LHFPL3: variants seen among roughly 807,000 people sequenced by gnomAD.
The protein encoded by LHFPL3 is LHFPL tetraspan subfamily member 3.
LHFPL3 carries 5 observed loss-of-function variants against 19.3 expected under a neutral mutation model. That is an observed-to-expected ratio of 0.26 (90% CI 0.14 to 0.54). LHFPL3 has a LOEUF of 0.54. LHFPL3 is among the 20% of genes least tolerant of loss of function. LHFPL3 has a pLI of 0.94. For synonymous variants in LHFPL3, 133 were observed against 126.2 expected (o/e 1.05, Z -0.36); for missense variants, 249 against 307.4 (o/e 0.81, Z 1.42).
chr7:104,683,810 TGTACA>T (rs1792756854), intron 1 of LHFPL3, among the ~76,000 whole-genome samples: 1 of 152,244 alleles, frequency 6.6e-6, no homozygotes, highest in African/African-American at 2.4e-5. Flanking sequence ...AATTGACATT[TGTACA>T]ATATTTAATC....
chr7:104,470,029 A>T (rs1163240547), intron 1 of LHFPL3: 1 of 456,018 alleles, frequency 2.2e-6, no homozygotes, highest in Admixed American at 2.3e-5. Context: ...ATGCTGTGTG[A>T]ACTTCGGGTG....
At chr7:104,809,633 A>G (rs1584546459) in intron 2 of LHFPL3, among the ~76,000 whole-genome samples, 1 of 152,344 alleles carries the variant, frequency 6.6e-6, no homozygotes, top group East Asian at 1.9e-4. Context: ...TCTATAAATA[A>G]TTTTGTATCA....
chr7:104,777,212 T>C (rs1794649494), intron 2 of LHFPL3, among the ~76,000 whole-genome samples: 1 of 152,174 alleles, frequency 6.6e-6, no homozygotes, highest in South Asian at 2.1e-4. Flanking sequence ...AATTTGGAAA[T>C]ATTATGATCC....
intron 2 of LHFPL3, among the ~76,000 whole-genome samples, chr7:104,749,782 T>G: frequency 1.3e-5 from 2 of 152,262 alleles, no homozygotes; most frequent in Non-Finnish European, 2.9e-5. Flanking sequence ...CCAGTTTTTG[T>G]TTTGGTAGTG....
intron 1 of LHFPL3, among the ~76,000 whole-genome samples, chr7:104,670,775 G>GTTTTT (rs892992665): frequency 6.6e-6 from 1 of 151,780 alleles, no homozygotes; most frequent in South Asian, 2.1e-4. Context: ...ACCTTGATGG[G>GTTTTT]TTTTTTTCCC....
chr7:104,758,172 A>G (rs1052526300), intron 2 of LHFPL3, among the ~76,000 whole-genome samples: 8 of 152,160 alleles, frequency 5.3e-5, no homozygotes, highest in South Asian at 2.1e-4. Flanking sequence ...CATGGGAACA[A>G]TGGACACTGG....
At chr7:104,688,326 G>A (rs1368231484) in intron 1 of LHFPL3, among the ~76,000 whole-genome samples, 1 of 152,146 alleles carries the variant, frequency 6.6e-6, no homozygotes, top group Non-Finnish European at 1.5e-5. Context: ...AACTCCTGTA[G>A]ACAAAGGGCT....
chr7:104,339,556 T>A (rs1374721680), intron 1 of LHFPL3, among the ~76,000 whole-genome samples: 1 of 152,232 alleles, frequency 6.6e-6, no homozygotes, highest in Non-Finnish European at 1.5e-5. Flanking sequence ...CGCATCTGAT[T>A]CCCACTGCAG....
chr7:104,709,189 T>C lies in LHFPL3; in HGVS notation c.446-27486T>C, dbSNP rs548592123. Among the ~76,000 whole-genome samples, 9 of 152,050 alleles carry C rather than the reference T, an allele frequency of 5.9e-5. No homozygotes were observed. In the East Asian group the frequency reaches 1.7e-3, roughly 29 times the overall value. ...TCATTTTTTTTTATTACTATCATAA[T>C]TTTATTATCCACAATTTCATTTTTA... On this transcript the variant is annotated intron_variant, in intron 1 of 2. Coordinates refer to ENST00000424859, the MANE Select transcript of LHFPL3 (RefSeq NM_199000.3).
intron 1 of LHFPL3, among the ~76,000 whole-genome samples, chr7:104,365,787 C>CCAA (rs1554381840): frequency 4.4e-4 from 22 of 49,958 alleles, no homozygotes; most frequent in Non-Finnish European, 6.4e-4. Context: ...GACTCCGTCT[C>CCAA]AAAAAAAAAA....
chr7:104,715,763 C>T (rs982020504), intron 1 of LHFPL3, among the ~76,000 whole-genome samples: 6 of 152,176 alleles, frequency 3.9e-5, no homozygotes, highest in Non-Finnish European at 7.3e-5. Context: ...TGTGTATGAT[C>T]ATTTTTAATG....
intron 2 of LHFPL3, among the ~76,000 whole-genome samples, chr7:104,788,013 T>C (rs1789953856): frequency 6.6e-6 from 1 of 152,234 alleles, no homozygotes; most frequent in Admixed American, 6.5e-5. Flanking sequence ...TGTCGAGTTC[T>C]TTCTCGTTGA....
At chr7:104,524,843 A>G (rs1052494692) in intron 1 of LHFPL3, among the ~76,000 whole-genome samples, 1 of 152,160 alleles carries the variant, frequency 6.6e-6, no homozygotes, top group Admixed American at 6.5e-5. Flanking sequence ...GTTCTTTTCT[A>G]TTCTCAAGAA....
Position 104,736,739 on chromosome 7 carries a change from G to C in LHFPL3, c.510G>C (p.Arg170=). Residue 170 remains arginine, a synonymous_variant, in exon 2 of 3, where the codon CGG becomes CGC. Transcript: ENST00000424859. ...GCTGGGACTCAGATGAAGTAAAACG[G>C]ATGTGTGGAGAAAAGACAGACAAGT... ...PDGWDSDEVK[R]MCGEKTDKYT... The C allele has an allele frequency of 6.2e-7, 1 of 1,613,720 alleles. No individual in the cohort carries two copies. The highest frequency in any genetic ancestry group is 8.5e-7 in the Non-Finnish European group (1 of 1,179,816).
At chr7:104,902,243 A>C (rs1792501160) in intron 2 of LHFPL3, among the ~76,000 whole-genome samples, 1 of 152,034 alleles carries the variant, frequency 6.6e-6, no homozygotes, top group East Asian at 1.9e-4. Context: ...TTAGCTGGGC[A>C]TGGTAACGCG....
intron 2 of LHFPL3, among the ~76,000 whole-genome samples, chr7:104,868,694 A>G (rs1791775181): frequency 6.6e-6 from 1 of 151,872 alleles, no homozygotes; most frequent in Non-Finnish European, 1.5e-5. Flanking sequence ...CAAGCTACCA[A>G]TGACTTTCTT....
intron 1 of LHFPL3, among the ~76,000 whole-genome samples, chr7:104,524,865 A>C (rs907986445): frequency 6.6e-6 from 1 of 152,198 alleles, no homozygotes; most frequent in Non-Finnish European, 1.5e-5. Flanking sequence ...TGGCTAAAAA[A>C]CAGAACCAAA....
At chr7:104,645,325 T>C (rs1791912538) in intron 1 of LHFPL3, among the ~76,000 whole-genome samples, 1 of 152,222 alleles carries the variant, frequency 6.6e-6, no homozygotes, top group Non-Finnish European at 1.5e-5. Flanking sequence ...TGGTTTAGCT[T>C]ACTATTCCGC....
intron 1 of LHFPL3, among the ~76,000 whole-genome samples, chr7:104,359,011 T>C (rs1790338247): frequency 6.6e-6 from 1 of 152,090 alleles, no homozygotes; most frequent in Non-Finnish European, 1.5e-5. Context: ...ACCAGGAAAA[T>C]GGACTCTGAC....
Sources: gnomAD v4.1 joint callset for allele counts (sites outside exome capture counted in the v4.1 genomes callset) on GRCh38, gnomAD v4.1.1 for gene constraint, MANE v1.5 for transcripts, NCBI Gene and HGNC (gene_info 2026-07-23, HGNC 2026-07-21) for gene names.